The following NTN4 variants were observed in gnomAD, a reference collection of about 807,000 sequenced individuals.
The protein encoded by NTN4 is netrin 4, also known as netrin-4.
NTN4 carries 32 observed loss-of-function variants against 73.6 expected under a neutral mutation model. The observed-to-expected ratio is 0.44, with a 90% CI of 0.33 to 0.58. NTN4 has a LOEUF of 0.58. NTN4 is among the 20% of genes least tolerant of loss of function. The pLI is 0.04. For synonymous variants in NTN4, 258 were observed against 287.5 expected, an observed-to-expected ratio of 0.90 and a Z score of 1.04; for missense variants, 654 against 798.3, an observed-to-expected ratio of 0.82 and a Z score of 2.18.
chr12:95,785,938 T>A (rs1005525477), intron 2 of NTN4, among the ~76,000 whole-genome samples: 1 of 152,120 alleles, frequency 6.6e-6, no homozygotes, highest in Admixed American at 6.6e-5. Flanking sequence ...ATTTTGTGCA[T>A]CGTCTGAGGT....
At chr12:95,672,245 G>C in intron 7 of NTN4, 2 of 648,386 alleles carry the variant, frequency 3.1e-6, no homozygotes, top group Non-Finnish European at 5.7e-6. Context: ...CGGGGGCAGG[G>C]GGCGGGCTGT....
rs527674885 is a variant in NTN4 at position 95,751,116 on chromosome 12, C to T, written c.586-12972G>A. On this transcript the variant is annotated intron_variant, in intron 2 of 9. Coordinates refer to ENST00000343702, the MANE Select transcript of NTN4 (RefSeq NM_021229.4). The stretch of plus-strand genomic sequence containing the variant: ...AAAAGGCCGTCTTATTCTCAAAATA[C>T]ATTTTATTACCCAATCTGCTCCCGA... 2.0e-3 allele frequency among the ~76,000 whole-genome samples: 300 copies of T among 151,730 alleles called. 2 individuals carry two copies. Among genetic ancestry groups the T allele is most frequent in the African/African-American group, 6.6e-3 (271 of 41,314 alleles).
intron 7 of NTN4, among the ~76,000 whole-genome samples, chr12:95,681,005 T>C (rs1035252662): frequency 1.3e-5 from 2 of 151,372 alleles, no homozygotes; most frequent in Non-Finnish European, 1.5e-5. Context: ...CTGGCCAACA[T>C]AGTGAAACCC....
rs772954454 is a variant in NTN4, at chr12:95,665,794, A to G, written c.1750+16T>C. On this transcript the variant is annotated intron_variant, in intron 9 of 9. Coordinates refer to ENST00000343702, the MANE Select transcript of NTN4 (RefSeq NM_021229.4). ...GAGACAAGGTAGGTACTAAGATAGG[A>G]AAGTCTAATACTCACCAGGATTGAG... is the stretch of plus-strand genomic sequence containing the variant. The G allele has an allele frequency of 6.3e-7, 1 of 1,591,954 alleles. No homozygotes were observed. Among genetic ancestry groups the G allele is most frequent in the Non-Finnish European group, 8.6e-7 (1 of 1,167,924 alleles).
chr12:95,672,297 C>T (rs2078238598), intron 7 of NTN4: 1 of 770,624 alleles, frequency 1.3e-6, no homozygotes, highest in Non-Finnish European at 2.4e-6. Flanking sequence ...CCTCCCAAGC[C>T]CGCCGCCATG....
intron 7 of NTN4, among the ~76,000 whole-genome samples, chr12:95,679,087 A>G (rs572522404): frequency 1.3e-5 from 2 of 152,346 alleles, no homozygotes; most frequent in African/African-American, 4.8e-5. Flanking sequence ...TCAATATTAC[A>G]AAGCTATCAC....
At chr12:95,742,011 C>T (rs1220657878) in intron 2 of NTN4, among the ~76,000 whole-genome samples, 1 of 152,136 alleles carries the variant, frequency 6.6e-6, no homozygotes, top group Non-Finnish European at 1.5e-5. Context: ...TCACATTTTC[C>T]TGGTCTTGCC....
intron 2 of NTN4, among the ~76,000 whole-genome samples, chr12:95,753,335 T>C (rs1011724203): frequency 2.0e-5 from 3 of 147,434 alleles, no homozygotes; most frequent in Non-Finnish European, 4.5e-5. Flanking sequence ...CCCCCTCCCT[T>C]CCCTACACAT....
In NTN4 at chr12:95,787,091, C is replaced by A; in HGVS notation, c.433G>T (p.Asp145Tyr). 6.2e-7 allele frequency: 1 copy of A among 1,614,220 alleles called. No individual in the cohort carries two copies. Among genetic ancestry groups the A allele is most frequent in the Non-Finnish European group, 8.5e-7 (1 of 1,180,038 alleles). ...KSPRPAAMVL[D>Y]RSQDFGKTWK... ...GTTTTCCCAAAGTCCTGGGAGCGGT[C>A]CAGCACCATGGCAGCCGGCCTGGGG... The change falls in exon 2 of 10, where the codon GAC becomes TAC. Residue 145 changes from aspartate to tyrosine, a missense_variant. Transcript: ENST00000343702.
At position 95,683,589 on chromosome 12, in the gene NTN4, T is replaced by G. The variant is rs763010124; in HGVS notation, c.1303A>C (p.Met435Leu). 1 of 1,614,214 alleles carries G rather than the reference T, an allele frequency of 6.2e-7. No individual in the cohort carries two copies. Among genetic ancestry groups the G allele is most frequent in the South Asian group, 1.1e-5 (1 of 91,086 alleles). ...GVAGRRCDRCMVGYWGFGDYG... is the reference protein window; with the variant it reads ...GVAGRRCDRCLVGYWGFGDYG... ...TCTCCGAAGCCCCAGTATCCCACCA[T>G]GCACCTGTCACAACGTCGCCCTGCC... The change falls in exon 6 of 10, where the codon ATG (methionine) becomes CTG (leucine). Residue 435 changes from methionine to leucine, a missense_variant. By Grantham distance (15) the Met-to-Leu change is conservative (BLOSUM62 2). Coordinates refer to ENST00000343702, the MANE Select transcript of NTN4 (RefSeq NM_021229.4).
Position 95,660,527 on chromosome 12 carries a change from T to A in NTN4, c.1751-1305A>T, listed in dbSNP as rs570266012. 4.0e-4 allele frequency among the ~76,000 whole-genome samples: 61 copies of A among 152,210 alleles called. 1 individual carries two copies. Among genetic ancestry groups the A allele is most frequent in the Non-Finnish European group, 6.6e-4 (45 of 68,012 alleles). On this transcript the variant is annotated intron_variant, in intron 9 of 9. Transcript: ENST00000343702. ...TTGTATTCAAAATTCGTTTCAAGCT[T>A]TAGATAACAAATTTTAGCTAATATA...
chr12:95,682,630 T>C, intron 7 of NTN4, 77 bp downstream of exon 7: 1 of 936,666 alleles, frequency 1.1e-6, no homozygotes, highest in South Asian at 1.5e-5. Flanking sequence ...ATCCAAAAGC[T>C]GGACCCTGGT....
chr12:95,764,974 G>C (rs2079011275), intron 2 of NTN4, among the ~76,000 whole-genome samples: 1 of 151,864 alleles, frequency 6.6e-6, no homozygotes, highest in African/African-American at 2.4e-5. Flanking sequence ...GCCAGAGGAG[G>C]GCTAGAAATC....
chr12:95,694,317 C>CCG (rs1388253379), intron 5 of NTN4, among the ~76,000 whole-genome samples: 1 of 151,968 alleles, frequency 6.6e-6, no homozygotes, highest in Non-Finnish European at 1.5e-5. Flanking sequence ...CACCAAGACC[C>CCG]CGGCGGCCAC....
At chr12:95,716,289 G>A (rs2078604686) in intron 3 of NTN4, among the ~76,000 whole-genome samples, 1 of 152,176 alleles carries the variant, frequency 6.6e-6, no homozygotes, top group African/African-American at 2.4e-5. Flanking sequence ...CAGTCCCTGA[G>A]TCTGTGTCCT....
intron 2 of NTN4, among the ~76,000 whole-genome samples, chr12:95,752,398 C>G (rs1201578744): frequency 6.6e-6 from 1 of 150,870 alleles, no homozygotes; most frequent in African/African-American, 2.4e-5. Context: ...ACCCATTATT[C>G]TGTTCTGGAT....
chr12:95,681,890 ATATTTAGT>A (rs1423243874), intron 7 of NTN4, among the ~76,000 whole-genome samples: 1 of 152,118 alleles, frequency 6.6e-6, no homozygotes, highest in Non-Finnish European at 1.5e-5. Flanking sequence ...TATTTGGCTT[ATATTTAGT>A]TTGTAGAATT....
intron 2 of NTN4, among the ~76,000 whole-genome samples, chr12:95,784,925 A>G (rs1413891952): frequency 2.0e-5 from 3 of 152,252 alleles, no homozygotes; most frequent in African/African-American, 4.8e-5. Context: ...TGGTTTTAAA[A>G]AAGACAAGAC....
At chr12:95,684,118 A>G (rs2120996356) in intron 5 of NTN4, among the ~76,000 whole-genome samples, 1 of 152,314 alleles carries the variant, frequency 6.6e-6, no homozygotes, top group African/African-American at 2.4e-5. Context: ...AGATGTTGAA[A>G]GGTCAAAGAA....
Sources: gnomAD v4.1 joint callset for allele counts (sites outside exome capture counted in the v4.1 genomes callset) on GRCh38, gnomAD v4.1.1 for gene constraint, MANE v1.5 for transcripts, NCBI Gene and HGNC (gene_info 2026-07-23, HGNC 2026-07-21) for gene names.